CYP3A4: variants seen among roughly 807,000 people sequenced by gnomAD.
CYP3A4 encodes the protein cytochrome P450 3A4.
In CYP3A4, 41 loss-of-function variants were observed where a neutral mutation model predicts 54.9. That is an observed-to-expected ratio of 0.75 (90% CI 0.58 to 0.97). CYP3A4 has a LOEUF of 0.97. Ranked by LOEUF, CYP3A4 falls within the 50% of genes least tolerant of loss-of-function variation. The pLI, the probability that CYP3A4 is intolerant of heterozygous loss-of-function variation, is 0.00. For synonymous variants in CYP3A4, 179 were observed against 205.2 expected (o/e 0.87, Z 1.09); for missense variants, 510 against 597.3 (o/e 0.85, Z 1.52).
chr7:99,782,475 G>A (rs1169045695), intron 1 of CYP3A4, among the ~76,000 whole-genome samples: 1 of 152,138 alleles, frequency 6.6e-6, no homozygotes, highest in South Asian at 2.1e-4. Context: ...CATCATCTAA[G>A]GCTAAGGTAT....
rs769456534 is a variant in CYP3A4, at chr7:99,767,209, C to CA, written c.719dup (p.Phe241ValfsTer37). 85 of 1,610,090 alleles carry CA rather than the reference C, an allele frequency of 5.3e-5. No homozygotes were observed. Among genetic ancestry groups the CA allele is most frequent in the Non-Finnish European group, 7.2e-5 (85 of 1,177,766 alleles). On this transcript the variant is annotated frameshift_variant, in exon 8 of 13. Coordinates refer to ENST00000651514, the MANE Select transcript of CYP3A4 (RefSeq NM_017460.6). LOFTEE classifies it high-confidence loss of function. ...AAAAATTTGTAACTTCTCTTGGAAA[C>CA]ACACAGATATTTAATACTTCAAGAA... is the stretch of plus-strand genomic sequence containing the variant.
At chr7:99,764,679 C>T (rs1369788664) in intron 9 of CYP3A4, among the ~76,000 whole-genome samples, 1 of 152,182 alleles carries the variant, frequency 6.6e-6, no homozygotes, top group Non-Finnish European at 1.5e-5. Context: ...GATTTGTGTG[C>T]ATAGCCTAGC....
chr7:99,757,746 T>C lies in CYP3A4; in HGVS notation c.*387A>G, dbSNP rs1377110063. 3 of 194,238 alleles carry C rather than the reference T, an allele frequency of 1.5e-5. No individual in the cohort carries two copies. The highest frequency in any genetic ancestry group is 3.2e-5 in the Non-Finnish European group (3 of 93,080). 12.0% of individuals were successfully genotyped at this position (194,238 alleles called of 1,614,324 possible). On this transcript the variant is annotated 3_prime_UTR_variant, in exon 13 of 13. Transcript: ENST00000651514. ...AATACTCCAGAGAAAACATGTGATA[T>C]AAATGTCATTGTTAGAGCCATCAAA...
chr7:99,766,616 A>G, intron 8 of CYP3A4, 173 bp from the exon 9 acceptor site: 1 of 782,922 alleles, frequency 1.3e-6, no homozygotes, highest in Non-Finnish European at 2.0e-6. Flanking sequence ...ATCCTTGGAA[A>G]GCAGGATGTT....
At chr7:99,772,555 A>G (rs1239907820) in intron 4 of CYP3A4, 35 bp downstream of exon 4, 2 of 1,609,374 alleles carry the variant, frequency 1.2e-6, no homozygotes, top group East Asian at 4.5e-5. Context: ...AAATTTAATC[A>G]ATCAGTATTT....
At chr7:99,764,435 CA>C (rs1815425215) in intron 9 of CYP3A4, among the ~76,000 whole-genome samples, 1 of 152,164 alleles carries the variant, frequency 6.6e-6, no homozygotes, top group Non-Finnish European at 1.5e-5. Flanking sequence ...TATATCTTGA[CA>C]AACTTTGAGA....
Position 99,768,447 on chromosome 7 carries a change from T to C in CYP3A4, c.577A>G (p.Ile193Val), listed in dbSNP as rs3208361. Residue 193 changes from isoleucine to valine, a missense_variant, in exon 7 of 13, where the codon ATC becomes GTC. Transcript: ENST00000651514. ...TCTTGTGGATTGTTGAGAGAGTCGA[T>C]GTTCACTCCAAATGATGTGCTAGTG... ...VITSTSFGVN[I>V]DSLNNPQDPF... The C allele has an allele frequency of 1.2e-6, 2 of 1,614,100 alleles. No homozygotes were observed. The highest frequency in any genetic ancestry group is 2.2e-5 in the South Asian group (2 of 91,082).
rs769525292 is a variant in CYP3A4, at chr7:99,770,200, G to T, written c.354C>A (p.Ile118=). 12 of 1,613,764 alleles carry T rather than the reference G, an allele frequency of 7.4e-6. No individual in the cohort carries two copies. The highest frequency in any genetic ancestry group is 1.0e-5 in the Non-Finnish European group (12 of 1,179,774). Residue 118 remains isoleucine (I), a synonymous_variant, in exon 5 of 13, where the codon ATC becomes ATA. Transcript: ENST00000651514. ...FGPVGFMKSA[I]SIAEDEEWKR... ...TCCATTCTTCATCCTCAGCTATAGA[G>T]ATGGCACTTTTCATAAATCCCACTG...
rs141333855 is a variant in CYP3A4 at position 99,780,958 on chromosome 7, G to T, written c.72-873C>A. 1.7e-4 allele frequency among the ~76,000 whole-genome samples: 26 copies of T among 152,284 alleles called. No homozygotes were observed. The East Asian group carries it at 4.8e-3, about 28-fold the overall frequency. ...CTGATTAGCACAGTGCCAGTGATAT[G>T]GTCTGAATCTGTGCCCCTACCAAAA... On this transcript the variant is annotated intron_variant, in intron 1 of 12. Transcript: ENST00000651514.
Position 99,778,042 on chromosome 7 carries a change from A to T in CYP3A4, c.204T>A (p.Tyr68Ter). ...CMFDMECHKK[Y>*]GKVWGFYDGQ... ...AGAATACTCACCCCCACACTTTTCC[A>T]TACTTTTTATGACATTCCATGTCAA... The change falls in exon 3 of 13, where the codon TAT becomes TAA. Residue 68 changes from tyrosine to a stop codon, truncating the protein, a stop_gained. Coordinates refer to ENST00000651514, the MANE Select transcript of CYP3A4 (RefSeq NM_017460.6). LOFTEE classifies it high-confidence loss of function. The T allele has an allele frequency of 6.2e-7, 1 of 1,613,022 alleles. No individual in the cohort carries two copies. Among genetic ancestry groups the T allele is most frequent in the Non-Finnish European group, 8.5e-7 (1 of 1,179,228 alleles).
chr7:99,773,109 T>G (rs1341977311), intron 3 of CYP3A4, among the ~76,000 whole-genome samples: 2 of 152,174 alleles, frequency 1.3e-5, no homozygotes, highest in African/African-American at 2.4e-5. Context: ...GGGCATTACA[T>G]AATGGTGATG....
chr7:99,766,390 A>G lies in CYP3A4; in HGVS notation c.852T>C (p.Thr284=). The change falls in exon 9 of 13, where the codon ACT becomes ACC. Residue 284 remains threonine (T), a synonymous_variant. Coordinates refer to ENST00000651514, the MANE Select transcript of CYP3A4 (RefSeq NM_017460.6). The stretch of plus-strand genomic sequence containing the variant: ...CACTCTGGTTACCTTTGTGGGACTC[A>G]GTTTCTTTTGAATTCTGAGAGTCAA... ...LMIDSQNSKE[T]ESHKALSDLE... The G allele has an allele frequency of 6.2e-7, 1 of 1,613,736 alleles. No homozygotes were observed. The highest frequency in any genetic ancestry group is 8.5e-7 in the Non-Finnish European group (1 of 1,179,700).
intron 12 of CYP3A4, among the ~76,000 whole-genome samples, chr7:99,760,600 A>G (rs1815294020): frequency 6.6e-6 from 1 of 152,218 alleles, no homozygotes; most frequent in Non-Finnish European, 1.5e-5. Flanking sequence ...TAATTATGCC[A>G]TGCTAATCTA....
Position 99,783,938 on chromosome 7 carries a change from T to C in CYP3A4, c.71+73A>G, listed in dbSNP as rs35587942. The C allele has an allele frequency of 5.6e-4, 831 of 1,495,866 alleles. 6 individuals are homozygous for C. In the African/African-American group the frequency reaches 0.01, roughly 18 times the overall value. The allele number at this position is 1,495,866 out of a possible 1,614,324, so 92.7% of individuals were successfully genotyped here. Reference sequence around the variant, plus strand: ...CATCTTTTTTGATCTTCAAAACAGATAAGGGAAAGAGAGGCCTGATTAGCA... The same window carrying C: ...CATCTTTTTTGATCTTCAAAACAGACAAGGGAAAGAGAGGCCTGATTAGCA... On this transcript the variant is annotated intron_variant, in intron 1 of 12. Transcript: ENST00000651514.
intron 3 of CYP3A4, among the ~76,000 whole-genome samples, chr7:99,775,587 G>A (rs1386938754): frequency 6.6e-6 from 1 of 152,082 alleles, no homozygotes; most frequent in Non-Finnish European, 1.5e-5. Context: ...CAAAAGCAAT[G>A]GGGAAAAGAT....
intron 5 of CYP3A4, 113 bp downstream of exon 5, chr7:99,770,009 C>T: frequency 6.6e-7 from 1 of 1,526,422 alleles, no homozygotes; most frequent in Non-Finnish European, 9.0e-7. Flanking sequence ...CATTTTTAGG[C>T]AGCTCAAATT....
intron 9 of CYP3A4, among the ~76,000 whole-genome samples, chr7:99,765,464 G>A (rs575372884): frequency 2.8e-4 from 42 of 150,702 alleles, no homozygotes; most frequent in Non-Finnish European, 5.5e-4. Flanking sequence ...GATGATAGAT[G>A]GATAGATGAT....
In CYP3A4 at chr7:99,760,994, T is replaced by C; in HGVS notation, c.1254-13A>G. 1.2e-6 allele frequency: 2 copies of C among 1,611,418 alleles called. No homozygotes were observed. The highest frequency in any genetic ancestry group is 1.7e-6 in the Non-Finnish European group (2 of 1,178,890). ...CTTCTTGCTGAATCTGGTTCCACGT[T>C]GGTAGATTTTTAAAAAGTTAATGAC... On this transcript the variant is annotated splice_polypyrimidine_tract_variant and intron_variant, in intron 11 of 12. Transcript: ENST00000651514.
Position 99,770,165 on chromosome 7 carries a change from C to T in CYP3A4, c.389G>A (p.Arg130Gln), listed in dbSNP as rs72552799. The T allele has an allele frequency of 3.2e-4, 522 of 1,613,708 alleles. 2 individuals are homozygous for T. The highest frequency in any genetic ancestry group is 2.9e-4 in the Non-Finnish European group (339 of 1,179,768). ...GGTGAAGGTTGGAGACAGCAATGAT[C>T]GTAATCTCTTCCATTCTTCATCCTC... Reference protein sequence around the residue: ...IAEDEEWKRLRSLLSPTFTSG... With the variant: ...IAEDEEWKRLQSLLSPTFTSG... Residue 130 changes from arginine to glutamine, a missense_variant, in exon 5 of 13, where the codon CGA (arginine) becomes CAA (glutamine). Physicochemically the swap from Arg to Gln is conservative, Grantham distance 43. Transcript: ENST00000651514.
Sources: allele counts gnomAD v4.1 joint callset (sites outside exome capture counted in the v4.1 genomes callset), GRCh38; gene constraint gnomAD v4.1.1; transcripts MANE v1.5; gene names NCBI Gene and HGNC (gene_info 2026-07-23, HGNC 2026-07-21).